The following SLC30A9 variants were observed in gnomAD, a reference collection of about 807,000 sequenced individuals.
SLC30A9 encodes solute carrier family 30 member 9.
In SLC30A9, 58 loss-of-function variants were observed where a neutral mutation model predicts 87.5. The observed-to-expected ratio is 0.66, with a 90% CI of 0.54 to 0.82. The LOEUF is 0.82. SLC30A9 is among the 40% of genes least tolerant of loss of function. The pLI is 0.00. For synonymous variants in SLC30A9, 234 were observed against 233.0 expected, an observed-to-expected ratio of 1.00 and a Z score of -0.04; for missense variants, 557 against 679.1, an observed-to-expected ratio of 0.82 and a Z score of 2.00.
intron 8 of SLC30A9, among the ~76,000 whole-genome samples, chr4:42,039,634 T>G (rs1013573008): frequency 6.6e-6 from 1 of 152,070 alleles, no homozygotes; most frequent in Non-Finnish European, 1.5e-5. Flanking sequence ...AGCTAATTTT[T>G]GTATTTTTAG....
At chr4:42,018,851 G>A (rs1236089429) in intron 3 of SLC30A9, among the ~76,000 whole-genome samples, 1 of 151,982 alleles carries the variant, frequency 6.6e-6, no homozygotes. Flanking sequence ...TGTTGTTATA[G>A]CAGCCATCAT....
At chr4:42,048,073 A>G (rs535223289) in intron 8 of SLC30A9, among the ~76,000 whole-genome samples, 11 of 147,084 alleles carry the variant, frequency 7.5e-5, no homozygotes, top group East Asian at 4.3e-4. Context: ...ACTGGGGCCT[A>G]TTGGGGGGTG....
chr4:42,019,702 CTT>C (rs552363258), intron 3 of SLC30A9, among the ~76,000 whole-genome samples: 171 of 152,220 alleles, frequency 1.1e-3, no homozygotes, highest in Non-Finnish European at 1.9e-3. Flanking sequence ...ATGTAGTAGT[CTT>C]TGATTACTTT....
intron 2 of SLC30A9, among the ~76,000 whole-genome samples, chr4:42,003,236 T>C (rs1715061660): frequency 6.6e-6 from 1 of 152,202 alleles, no homozygotes; most frequent in Admixed American, 6.5e-5. Context: ...ACATTTTAGT[T>C]TAGCAATTGG....
Position 42,075,745 on chromosome 4 carries a change from A to G in SLC30A9, c.1507A>G (p.Arg503Gly), listed in dbSNP as rs781602312. 7.4e-6 allele frequency: 12 copies of G among 1,612,542 alleles called. No homozygotes were observed. The East Asian group carries it at 1.8e-4, about 24-fold the overall frequency. ...AGATTTTGATGGGCGAGTTGTTACA[A>G]GATCATATTTGGAAAAACAAGATTT... The part of the protein sequence containing the change: ...EVDFDGRVVT[R>G]SYLEKQDFDQ... Residue 503 changes from arginine (R) to glycine (G), a missense_variant, in exon 16 of 18, where the codon AGA becomes GGA. Coordinates refer to ENST00000264451, the MANE Select transcript of SLC30A9 (RefSeq NM_006345.4).
rs79157697 is a variant in SLC30A9, at chr4:42,034,460, T to C, written c.611-815T>C. Among the ~76,000 whole-genome samples, 1,152 of 146,178 alleles carry C rather than the reference T, an allele frequency of 7.9e-3. 15 individuals carry two copies. The highest frequency in any genetic ancestry group is 0.028 in the African/African-American group (1,105 of 40,154). On this transcript the variant is annotated intron_variant, in intron 6 of 17. Coordinates refer to ENST00000264451, the MANE Select transcript of SLC30A9 (RefSeq NM_006345.4). ...ACCCCCCGGTCCCTGGCAACCACCA[T>C]TCTGCTTTTTGTTTCTATTAATTTG... is the stretch of plus-strand genomic sequence containing the variant.
intron 16 of SLC30A9, 55 bp downstream of exon 16, chr4:42,075,841 G>A: frequency 1.3e-6 from 2 of 1,543,936 alleles, no homozygotes; most frequent in South Asian, 1.2e-5. Context: ...ATGCTTTTAA[G>A]GTAAACAAAA....
chr4:42,071,336 A>C (rs1271336278), intron 15 of SLC30A9, among the ~76,000 whole-genome samples: 1 of 152,148 alleles, frequency 6.6e-6, no homozygotes, highest in East Asian at 1.9e-4. Flanking sequence ...ATATTTTTTC[A>C]AACTTTAAAA....
At chr4:42,005,808 T>C (rs79059022) in intron 2 of SLC30A9, among the ~76,000 whole-genome samples, 3 of 152,236 alleles carry the variant, frequency 2.0e-5, no homozygotes, top group South Asian at 2.1e-4. Context: ...CCTTTATTCA[T>C]TTATTCATTA....
At chr4:42,056,302 A>G (rs1717609360) in intron 9 of SLC30A9, among the ~76,000 whole-genome samples, 1 of 152,134 alleles carries the variant, frequency 6.6e-6, no homozygotes, top group South Asian at 2.1e-4. Flanking sequence ...TTCCATTTTC[A>G]CACTGCTGAT....
In SLC30A9 at chr4:42,039,072, G is replaced by C. The variant is rs553951271; in HGVS notation, c.737+19G>C. On this transcript the variant is annotated intron_variant, in intron 8 of 17. Transcript: ENST00000264451. ...TTTGCATGTAAGTACTGAAAAATAA[G>C]CTTTGTGAAATAGAATATATTCTTT... 1.0e-5 allele frequency: 16 copies of C among 1,567,716 alleles called. No homozygotes were observed. The East Asian group carries it at 3.4e-4, about 33-fold the overall frequency.
chr4:42,016,375 T>C (rs1294022467), intron 2 of SLC30A9, among the ~76,000 whole-genome samples: 4 of 152,184 alleles, frequency 2.6e-5, no homozygotes, highest in Admixed American at 6.5e-5. Flanking sequence ...CCTTGGAATT[T>C]ACTACTCAAG....
intron 8 of SLC30A9, among the ~76,000 whole-genome samples, chr4:42,039,863 A>C (rs79236119): frequency 6.6e-6 from 1 of 151,798 alleles, no homozygotes; most frequent in Non-Finnish European, 1.5e-5. Context: ...AAATCATTCA[A>C]TAATTCATTA....
chr4:42,029,537 T>A (rs1467391339), intron 6 of SLC30A9: 1 of 680,890 alleles, frequency 1.5e-6, no homozygotes, highest in African/African-American at 1.8e-5. Context: ...GTAGTTAGGT[T>A]CCTGGAAAAG....
In SLC30A9 at chr4:42,043,038, C is replaced by G. The variant is rs540238234; in HGVS notation, c.737+3985C>G. On this transcript the variant is annotated intron_variant, in intron 8 of 17. Transcript: ENST00000264451. ...CAGAAAGGAATAGCATCAACATCAA[C>G]AAAAAGGATGTCCACACAAAAACCC... 5.2e-4 allele frequency among the ~76,000 whole-genome samples: 79 copies of G among 152,260 alleles called. 1 individual carries two copies. In the Middle Eastern group the frequency reaches 0.014, roughly 26 times the overall value.
intron 10 of SLC30A9, 66 bp downstream of exon 10, chr4:42,060,312 C>T: frequency 8.3e-7 from 1 of 1,202,428 alleles, no homozygotes; most frequent in South Asian, 1.2e-5. Flanking sequence ...AACTAAATAT[C>T]AGAAATCTCC....
intron 6 of SLC30A9, among the ~76,000 whole-genome samples, chr4:42,023,806 G>A (rs983553852): frequency 6.6e-6 from 1 of 152,120 alleles, no homozygotes; most frequent in Non-Finnish European, 1.5e-5. Flanking sequence ...GGCTGGAGAG[G>A]CCTCAGGAAG....
chr4:41,993,618 G>A (rs6830050), intron 1 of SLC30A9, among the ~76,000 whole-genome samples: 7,376 of 152,246 alleles, frequency 0.048, 256 homozygotes, highest in African/African-American at 0.078. Context: ...CATATTGAGG[G>A]TGTGGGAAAA....
chr4:42,004,553 A>C (rs1017414167), intron 2 of SLC30A9, among the ~76,000 whole-genome samples: 1 of 151,626 alleles, frequency 6.6e-6, no homozygotes, highest in Non-Finnish European at 1.5e-5. Flanking sequence ...TTATTTCCTC[A>C]GGTCTACCAG....
Sources: gnomAD v4.1 joint callset for allele counts (sites outside exome capture counted in the v4.1 genomes callset) on GRCh38, gnomAD v4.1.1 for gene constraint, MANE v1.5 for transcripts, NCBI Gene and HGNC (gene_info 2026-07-23, HGNC 2026-07-21) for gene names.